The following LPA variants were observed in gnomAD, a reference collection of about 807,000 sequenced individuals.
LPA encodes lipoprotein(a).
In LPA, 199 loss-of-function variants were observed where a neutral mutation model predicts 197.9. The observed-to-expected ratio is 1.01, with a 90% CI of 0.90 to 1.13. The LOEUF (loss-of-function observed/expected upper bound fraction) is 1.13, where lower values mean the gene tolerates loss of function less well. Among genes scored for constraint, LPA ranks in the 50% most tolerant of loss-of-function variants. The pLI is 0.00. For missense variants in LPA, 1,853 were observed against 1,785.8 expected, an observed-to-expected ratio of 1.04 and a Z score of -0.68; for synonymous variants, 715 against 639.5, an observed-to-expected ratio of 1.12 and a Z score of -1.78.
chr6:160,540,319 A>T, intron 35 of LPA, 136 bp from the exon 36 acceptor site: 2 of 910,850 alleles, frequency 2.2e-6, no homozygotes, highest in Non-Finnish European at 3.6e-6. Flanking sequence ...AAGAAACAAA[A>T]TTCACAATTT....
chr6:160,589,002 T>G (rs1465589948), intron 24 of LPA, among the ~76,000 whole-genome samples: 1 of 152,234 alleles, frequency 6.6e-6, no homozygotes, highest in African/African-American at 2.4e-5. Context: ...TCTCTATACT[T>G]CCTGACTCTC....
intron 26 of LPA, among the ~76,000 whole-genome samples, chr6:160,579,741 C>T (rs971735432): frequency 1.3e-5 from 2 of 152,154 alleles, no homozygotes; most frequent in Admixed American, 6.5e-5. Context: ...GAATCCAACA[C>T]GGTCTCTGTA....
At chr6:160,649,340 T>C (rs1168257377) in intron 2 of LPA, among the ~76,000 whole-genome samples, 6 of 152,210 alleles carry the variant, frequency 3.9e-5, no homozygotes, top group Non-Finnish European at 8.8e-5. Flanking sequence ...TTTGCCCTAC[T>C]TTCTTGTGGA....
intron 28 of LPA, among the ~76,000 whole-genome samples, chr6:160,575,776 A>G (rs1389673404): frequency 6.6e-6 from 1 of 152,174 alleles, no homozygotes; most frequent in Non-Finnish European, 1.5e-5. Context: ...TTCTTTCCCC[A>G]GTAGCTGTTC....
chr6:160,569,357 A>G (rs552206676), intron 28 of LPA, among the ~76,000 whole-genome samples: 1 of 151,678 alleles, frequency 6.6e-6, no homozygotes, highest in Non-Finnish European at 1.5e-5. Flanking sequence ...TCTATGACAA[A>G]CCTGACAAAA....
intron 28 of LPA, among the ~76,000 whole-genome samples, chr6:160,564,389 T>A (rs1778413789): frequency 6.6e-6 from 1 of 151,968 alleles, no homozygotes; most frequent in African/African-American, 2.4e-5. Context: ...TTGAATATTC[T>A]ACATCTTTCT....
In LPA at chr6:160,595,550, A is replaced by G. The variant is rs547907873; in HGVS notation, c.3288-15T>C. 8.7e-6 allele frequency: 14 copies of G among 1,613,794 alleles called. No individual in the cohort carries two copies. The South Asian group carries it at 1.4e-4, about 16-fold the overall frequency. ...TGGTCAGGCCACTGCAAATTTCAAAACAACACAGGTCACCAGAGATGGGAG... is the reference window on the plus strand; with the variant it reads ...TGGTCAGGCCACTGCAAATTTCAAAGCAACACAGGTCACCAGAGATGGGAG... On this transcript the variant is annotated splice_polypyrimidine_tract_variant and intron_variant, in intron 20 of 38. Coordinates refer to ENST00000316300, the MANE Select transcript of LPA (RefSeq NM_005577.4).
chr6:160,540,972 T>TAG, intron 35 of LPA, 135 bp downstream of exon 35: 1 of 755,674 alleles, frequency 1.3e-6, no homozygotes. Context: ...CCCTGGTTCC[T>TAG]AGTGTTCCTT....
chr6:160,606,721 C>A (rs181364270), intron 16 of LPA, 63 bp from the exon 17 acceptor site: 1 of 1,585,046 alleles, frequency 6.3e-7, no homozygotes, highest in Non-Finnish European at 8.7e-7. Flanking sequence ...CACCCCACAC[C>A]CTCTCCTTTG....
chr6:160,660,163 T>G (rs1467346911), intron 1 of LPA, among the ~76,000 whole-genome samples: 2 of 152,212 alleles, frequency 1.3e-5, no homozygotes, highest in Non-Finnish European at 2.9e-5. Context: ...GAAGGTTGTA[T>G]AGCACTCAGA....
At chr6:160,576,397 T>TACAC (rs1778675762) in intron 28 of LPA, among the ~76,000 whole-genome samples, 2 of 49,436 alleles carry the variant, frequency 4.0e-5, no homozygotes, top group Non-Finnish European at 6.8e-5. Context: ...TATGTATATA[T>TACAC]ATATATATAT....
chr6:160,591,633 C>G (rs1446720729), intron 22 of LPA, among the ~76,000 whole-genome samples: 1 of 152,158 alleles, frequency 6.6e-6, no homozygotes, highest in Non-Finnish European at 1.5e-5. Flanking sequence ...GCTTTCAGAC[C>G]TGGAGTATGG....
intron 14 of LPA, among the ~76,000 whole-genome samples, chr6:160,615,381 T>TGTAGCTCATTCTGTAG (rs1779578559): frequency 7.7e-6 from 1 of 130,602 alleles, no homozygotes; most frequent in Non-Finnish European, 1.6e-5. Flanking sequence ...TGTGTGTGTG[T>TGTAGCTCATTCTGTAG]GTGTAGCTCA....
intron 28 of LPA, among the ~76,000 whole-genome samples, chr6:160,561,123 A>T (rs918729927): frequency 6.6e-6 from 1 of 152,062 alleles, no homozygotes; most frequent in African/African-American, 2.4e-5. Flanking sequence ...GTTAGCCAAG[A>T]TGGTCTCGAT....
intron 30 of LPA, among the ~76,000 whole-genome samples, chr6:160,553,956 C>CGT (rs1430619624): frequency 1.7e-4 from 5 of 29,416 alleles, no homozygotes; most frequent in African/African-American, 3.9e-4. Context: ...TGTGTGTGTG[C>CGT]GCGCGCGCGC....
chr6:160,589,460 A>G, intron 24 of LPA, 93 bp downstream of exon 24: 1 of 1,446,632 alleles, frequency 6.9e-7, no homozygotes, highest in Non-Finnish European at 9.7e-7. Flanking sequence ...TCTGAGAGAA[A>G]TTGGGTCATA....
chr6:160,555,588 C>T (rs73014164), intron 30 of LPA, among the ~76,000 whole-genome samples: 19,774 of 150,108 alleles, frequency 0.13, 1,740 homozygotes, highest in Non-Finnish European at 0.19. Context: ...TGAATAAACA[C>T]ACCTGGTTAT....
In LPA at chr6:160,590,938, T is replaced by C. The variant is rs1779015956; in HGVS notation, c.3787+6A>G. ...GGGTGTGGTTGTCTGGCCAGAGACT[T>C]CTTACCTTGTTCAGAAACAGCCGTG... On this transcript the variant is annotated splice_donor_region_variant and intron_variant, in intron 23 of 38. Transcript: ENST00000316300. The C allele has an allele frequency of 6.2e-7, 1 of 1,613,802 alleles. No individual in the cohort carries two copies. Among genetic ancestry groups the C allele is most frequent in the Non-Finnish European group, 8.5e-7 (1 of 1,179,868 alleles).
At chr6:160,584,131 G>A (rs938336635) in intron 26 of LPA, among the ~76,000 whole-genome samples, 1 of 151,448 alleles carries the variant, frequency 6.6e-6, no homozygotes, top group African/African-American at 2.4e-5. Context: ...TGTTCATACA[G>A]GCTAGTACTC....
Sources: gnomAD v4.1 joint callset for allele counts (sites outside exome capture counted in the v4.1 genomes callset) on GRCh38, gnomAD v4.1.1 for gene constraint, MANE v1.5 for transcripts, NCBI Gene and HGNC (gene_info 2026-07-23, HGNC 2026-07-21) for gene names.